RASAL2: variants seen among roughly 807,000 people sequenced by gnomAD.
The protein encoded by RASAL2 is ras GTPase-activating protein nGAP.
In RASAL2, 58 loss-of-function variants were observed where a neutral mutation model predicts 128.9. The observed-to-expected ratio is 0.45, with a 90% CI of 0.36 to 0.56. The LOEUF (loss-of-function observed/expected upper bound fraction) is 0.56. Among genes scored for constraint, RASAL2 ranks in the 20% least tolerant of loss-of-function variants. RASAL2 has a pLI of 0.00. For missense variants in RASAL2, 1,360 were observed against 1,601.6 expected, an observed-to-expected ratio of 0.85 and a Z score of 2.57; for synonymous variants, 561 against 580.8, an observed-to-expected ratio of 0.97 and a Z score of 0.49.
intron 1 of RASAL2, among the ~76,000 whole-genome samples, chr1:178,121,884 GA>G (rs1234203232): frequency 3.3e-5 from 5 of 152,026 alleles, no homozygotes; most frequent in Non-Finnish European, 5.9e-5. Flanking sequence ...ATAACAAATA[GA>G]AAAAAACCTA....
At chr1:178,441,185 G>T (rs898825101) in intron 6 of RASAL2, among the ~76,000 whole-genome samples, 1 of 152,074 alleles carries the variant, frequency 6.6e-6, no homozygotes, top group East Asian at 1.9e-4. Context: ...GTTTCTTATG[G>T]TATGATTTAG....
intron 1 of RASAL2, among the ~76,000 whole-genome samples, chr1:178,257,423 A>ATGTG (rs71108037): frequency 0.014 from 2,104 of 147,234 alleles, 28 homozygotes; most frequent in East Asian, 0.074. Context: ...GCTCAGGGAT[A>ATGTG]TGTGTGTGTG....
chr1:178,416,760 C>CT (rs977072911), intron 4 of RASAL2, among the ~76,000 whole-genome samples: 1 of 150,812 alleles, frequency 6.6e-6, no homozygotes, highest in African/African-American at 2.4e-5. Context: ...AGTTTGGGTT[C>CT]TTTTTTTTTC....
intron 1 of RASAL2, among the ~76,000 whole-genome samples, chr1:178,141,170 G>A (rs1029160502): frequency 6.7e-6 from 1 of 149,652 alleles, no homozygotes; most frequent in African/African-American, 2.5e-5. Flanking sequence ...CTCCAACACT[G>A]GAGACCACTT....
At chr1:178,437,447 G>T (rs1676325272) in intron 5 of RASAL2, among the ~76,000 whole-genome samples, 2 of 152,032 alleles carry the variant, frequency 1.3e-5, no homozygotes, top group African/African-American at 4.8e-5. Flanking sequence ...ACTGCCAGGT[G>T]GCTCTACCAT....
At chr1:178,394,052 A>T (rs931577648) in intron 4 of RASAL2, among the ~76,000 whole-genome samples, 3 of 152,216 alleles carry the variant, frequency 2.0e-5, no homozygotes, top group Non-Finnish European at 4.4e-5. Flanking sequence ...ATTCAGAACT[A>T]TGGTGTTTTA....
At chr1:178,463,794 T>C (rs534396576) in intron 14 of RASAL2, among the ~76,000 whole-genome samples, 1 of 152,184 alleles carries the variant, frequency 6.6e-6, no homozygotes, top group Non-Finnish European at 1.5e-5. Context: ...AATGGGCACT[T>C]TGTGAGTTTG....
rs191772468 is a variant in RASAL2, at chr1:178,418,582, G to A, written c.565-1929G>A. Among the ~76,000 whole-genome samples, 7 of 152,292 alleles carry A rather than the reference G, an allele frequency of 4.6e-5. No individual in the cohort carries two copies. In the Middle Eastern group the frequency reaches 0.01, roughly 222 times the overall value. ...ATAGCATTATAAGTATTTTCTTTCA[G>A]TAATCTAAATAGTTCCACTTTGATT... is the stretch of plus-strand genomic sequence containing the variant. On this transcript the variant is annotated intron_variant, in intron 4 of 17. Coordinates refer to ENST00000367649, the MANE Select transcript of RASAL2 (RefSeq NM_170692.4).
rs1004034773 is a variant in RASAL2, at chr1:178,102,114, T to C, written c.202+7420T>C. On this transcript the variant is annotated intron_variant, in intron 1 of 17. Coordinates refer to ENST00000367649, the MANE Select transcript of RASAL2 (RefSeq NM_170692.4). ...ATGTCTGAAGGAAATTTGAATTTCA[T>C]ATATGATGCTTAGAACCCTGAATAA... Among the ~76,000 whole-genome samples the C allele has an allele frequency of 2.0e-5, 3 of 152,138 alleles. No homozygotes were observed. In the East Asian group the frequency reaches 5.8e-4, roughly 29 times the overall value.
intron 3 of RASAL2, among the ~76,000 whole-genome samples, chr1:178,384,538 C>T (rs1442085182): frequency 2.0e-5 from 3 of 151,902 alleles, no homozygotes; most frequent in Admixed American, 6.6e-5. Flanking sequence ...TGTGGTGGCA[C>T]GCACCTGTGG....
chr1:178,145,509 G>C (rs6701497), intron 1 of RASAL2, among the ~76,000 whole-genome samples: 34,842 of 140,422 alleles, frequency 0.25, 5,065 homozygotes, highest in African/African-American at 0.42. Context: ...CCTTTTTTCC[G>C]TTGCTCTGAG....
At chr1:178,225,545 A>T (rs955689569) in intron 1 of RASAL2, among the ~76,000 whole-genome samples, 2 of 151,980 alleles carry the variant, frequency 1.3e-5, no homozygotes, top group African/African-American at 4.8e-5. Context: ...TGAATGTAGT[A>T]TATAGCCATG....
chr1:178,202,414 A>G (rs1042177091), intron 1 of RASAL2, among the ~76,000 whole-genome samples: 2 of 152,200 alleles, frequency 1.3e-5, no homozygotes, highest in East Asian at 1.9e-4. Context: ...TCTGCACAAT[A>G]TGCAGGCACC....
chr1:178,232,491 C>T (rs1054750172), intron 1 of RASAL2, among the ~76,000 whole-genome samples: 1 of 152,160 alleles, frequency 6.6e-6, no homozygotes, highest in African/African-American at 2.4e-5. Flanking sequence ...GATCTTGCCT[C>T]AAGATTTTCC....
At chr1:178,301,187 T>G (rs932580073) in intron 3 of RASAL2, among the ~76,000 whole-genome samples, 2 of 152,174 alleles carry the variant, frequency 1.3e-5, no homozygotes, top group Non-Finnish European at 2.9e-5. Context: ...AGCAAGTACT[T>G]TTTTCCAAGG....
intron 1 of RASAL2, among the ~76,000 whole-genome samples, chr1:178,108,044 G>A (rs1201144034): frequency 6.6e-6 from 1 of 152,126 alleles, no homozygotes; most frequent in African/African-American, 2.4e-5. Context: ...TGGTACAGCA[G>A]CTGTATGTAC....
intron 4 of RASAL2, among the ~76,000 whole-genome samples, chr1:178,393,333 C>T (rs755158878): frequency 5.3e-5 from 8 of 152,146 alleles, no homozygotes; most frequent in South Asian, 2.1e-4. Context: ...TGCAACTAGA[C>T]GGTCCCATCT....
At chr1:178,309,759 A>G (rs181364301) in intron 3 of RASAL2, among the ~76,000 whole-genome samples, 3 of 152,340 alleles carry the variant, frequency 2.0e-5, no homozygotes, top group East Asian at 3.9e-4. Context: ...TGATAAAACT[A>G]GGTTTCAAAT....
At position 178,473,381 on chromosome 1, in the gene RASAL2, C is replaced by A. The variant is rs985558279; in HGVS notation, c.*142C>A. The stretch of plus-strand genomic sequence containing the variant: ...AGAAACTCCTGAATGAAGAAAGGAA[C>A]CTTGTCTTTCAGGGCATAAGGCGGC... On this transcript the variant is annotated 3_prime_UTR_variant, in exon 18 of 18. Transcript: ENST00000367649. 9.2e-7 allele frequency: 1 copy of A among 1,088,950 alleles called. No homozygotes were observed. Among genetic ancestry groups the A allele is most frequent in the Non-Finnish European group, 1.3e-6 (1 of 768,888 alleles). The allele number at this position is 1,088,950 out of a possible 1,614,324, so 67.5% of individuals were successfully genotyped here. A position where few individuals can be genotyped will look rare whatever the true frequency, so the allele number is the denominator to read the frequency against.
Sources: allele counts gnomAD v4.1 joint callset (sites outside exome capture counted in the v4.1 genomes callset), GRCh38; gene constraint gnomAD v4.1.1; transcripts MANE v1.5; gene names NCBI Gene and HGNC (gene_info 2026-07-23, HGNC 2026-07-21).